The following POMGNT2 variants were observed in gnomAD, a reference collection of about 807,000 sequenced individuals.
The protein encoded by POMGNT2 is protein O-linked mannose N-acetylglucosaminyltransferase 2 (beta 1,4-), also known as protein O-linked-mannose beta-1,4-N-acetylglucosaminyltransferase 2.
POMGNT2 carries 32 observed loss-of-function variants against 37.8 expected under a neutral mutation model. That is an observed-to-expected ratio of 0.85 (90% CI 0.64 to 1.14). The LOEUF is 1.14. Among genes scored for constraint, POMGNT2 ranks in the 50% most tolerant of loss-of-function variants. POMGNT2 has a pLI of 0.00. For missense variants in POMGNT2, 705 were observed against 780.6 expected, an observed-to-expected ratio of 0.90 and a Z score of 1.15; for synonymous variants, 340 against 336.8, an observed-to-expected ratio of 1.01 and a Z score of -0.10.
rs148890110 is a variant in POMGNT2, at chr3:43,079,692, C to T, written c.1740G>A (p.Thr580=). 1.1e-4 allele frequency: 177 copies of T among 1,610,310 alleles called. No homozygotes were observed. The African/African-American group carries it at 1.6e-3, about 15-fold the overall frequency. Residue 580 remains threonine, a synonymous_variant, in exon 2 of 2, where the codon ACG becomes ACA. Transcript: ENST00000344697. ...AGGCCAGGCTGTGGCCTGCTCGCTA[C>T]GTGTTGCACACCAGCACATCTGCAA... The part of the protein sequence containing the change: ...GPFADVLVCN[T]
At position 43,079,664 on chromosome 3, in the gene POMGNT2, C is replaced by T. The variant is rs2089827678; in HGVS notation, c.*25G>A. On this transcript the variant is annotated 3_prime_UTR_variant, in exon 2 of 2. Transcript: ENST00000344697. ...ACGCTGAACTGCAGGAGCCACCTTCCCGAGGCCAGGCTGTGGCCTGCTCGC... is the reference window on the plus strand; with the variant it reads ...ACGCTGAACTGCAGGAGCCACCTTCTCGAGGCCAGGCTGTGGCCTGCTCGC... 2 of 1,587,504 alleles carry T rather than the reference C, an allele frequency of 1.3e-6. No individual in the cohort carries two copies. The highest frequency in any genetic ancestry group is 4.5e-5 in the East Asian group (2 of 44,674).
At chr3:43,097,556 A>G (rs571712653) in intron 1 of POMGNT2, among the ~76,000 whole-genome samples, 86 of 151,940 alleles carry the variant, frequency 5.7e-4, no homozygotes, top group Admixed American at 4.3e-3. Context: ...AGAGAGAGAA[A>G]CACTCTGATC....
rs1186546851 is a variant in POMGNT2, at chr3:43,098,381, T to C, written c.-106+7455A>G. 6.6e-6 allele frequency among the ~76,000 whole-genome samples: 1 copy of C among 152,106 alleles called. No individual in the cohort carries two copies. The highest frequency in any genetic ancestry group is 1.9e-4 in the East Asian group (1 of 5,192). Reference sequence around the variant, plus strand: ...CTTTTTTTTTGGTTATCTGAAGTAGTATATGGAACTGGTATTAATAACATA... The same window carrying C: ...CTTTTTTTTTGGTTATCTGAAGTAGCATATGGAACTGGTATTAATAACATA... On this transcript the variant is annotated intron_variant, in intron 1 of 1. Coordinates refer to ENST00000344697, the MANE Select transcript of POMGNT2 (RefSeq NM_032806.6). The surrounding 1 kb of genome is among the most constrained non-coding windows in gnomAD (Gnocchi z 4.3).
chr3:43,102,314 A>G (rs962800361), intron 1 of POMGNT2, among the ~76,000 whole-genome samples: 2 of 152,226 alleles, frequency 1.3e-5, no homozygotes, highest in African/African-American at 4.8e-5. Context: ...AGGAGCAACT[A>G]CACAGCAAAG....
In POMGNT2 at chr3:43,106,074, C is replaced by G. The variant is rs887763838; in HGVS notation, c.-344G>C. ...CCGGCGGGCGAGCCCGGCGCGGAGC[C>G]TGTGCGCCTGCGCAGAGCCGCGAGT... is the stretch of plus-strand genomic sequence containing the variant. On this transcript the variant is annotated 5_prime_UTR_variant, in exon 1 of 2. Transcript: ENST00000344697. 2 of 151,854 alleles carry G rather than the reference C, an allele frequency of 1.3e-5. No homozygotes were observed. Among genetic ancestry groups the G allele is most frequent in the Non-Finnish European group, 2.9e-5 (2 of 67,926 alleles). 9.4% of individuals were successfully genotyped at this position (151,854 alleles called of 1,614,324 possible).
In POMGNT2 at chr3:43,079,386, C is replaced by T; in HGVS notation, c.*303G>A. ...GATACCAGAAAAACTCAGTAGGAAA[C>T]ATCAGGATCACCTAGCCAGAGGTTC... On this transcript the variant is annotated 3_prime_UTR_variant, in exon 2 of 2. Coordinates refer to ENST00000344697, the MANE Select transcript of POMGNT2 (RefSeq NM_032806.6). The T allele has an allele frequency of 2.8e-6, 1 of 360,424 alleles. No individual in the cohort carries two copies. Among genetic ancestry groups the T allele is most frequent in the Non-Finnish European group, 5.0e-6 (1 of 199,736 alleles). The allele number at this position is 360,424 out of a possible 1,614,324, so 22.3% of individuals were successfully genotyped here. A position where few individuals can be genotyped will look rare whatever the true frequency, so the allele number is the denominator to read the frequency against.
intron 1 of POMGNT2, chr3:43,087,990 T>C (rs960224086): frequency 6.6e-6 from 1 of 152,192 alleles, no homozygotes; most frequent in African/African-American, 2.4e-5. Context: ...TAAGAAATGA[T>C]GTATAGTTGA....
At position 43,080,229 on chromosome 3, in the gene POMGNT2, T is replaced by A; in HGVS notation, c.1203A>T (p.Thr401=). The A allele has an allele frequency of 6.2e-7, 1 of 1,614,112 alleles. No homozygotes were observed. The highest frequency in any genetic ancestry group is 1.1e-5 in the South Asian group (1 of 91,086). ...CCCAGGGCCGCTCAGGGTGTGTGAC[T>A]GTGTTCTCTGGCATCATGTTCCGCC... ...VAWRNMMPEN[T]VTHPERPWDQ... The change falls in exon 2 of 2, where the codon ACA becomes ACT. Residue 401 remains threonine (T), a synonymous_variant. Coordinates refer to ENST00000344697, the MANE Select transcript of POMGNT2 (RefSeq NM_032806.6).
chr3:43,094,200 C>T (rs2089963326), intron 1 of POMGNT2, among the ~76,000 whole-genome samples: 2 of 152,160 alleles, frequency 1.3e-5, no homozygotes, highest in South Asian at 4.1e-4. Flanking sequence ...GCAAAATCTT[C>T]AGGAAGGTTT....
chr3:43,101,164 C>T (rs2125712065), intron 1 of POMGNT2, among the ~76,000 whole-genome samples: 1 of 152,362 alleles, frequency 6.6e-6, no homozygotes, highest in Middle Eastern at 3.4e-3. Flanking sequence ...AACCCAAGCC[C>T]TAGGCACAAG....
intron 1 of POMGNT2, among the ~76,000 whole-genome samples, chr3:43,102,535 G>A (rs749366213): frequency 2.6e-5 from 4 of 152,138 alleles, no homozygotes; most frequent in Non-Finnish European, 4.4e-5. Context: ...CTCTGGGTAG[G>A]GGATAAAGAT....
chr3:43,082,183 G>A (rs2125701864), intron 1 of POMGNT2, among the ~76,000 whole-genome samples: 1 of 152,346 alleles, frequency 6.6e-6, no homozygotes, highest in South Asian at 2.1e-4. Context: ...CCTTGCAGGG[G>A]CCTGACATTC....
At chr3:43,103,829 T>G (rs2090036862) in intron 1 of POMGNT2, among the ~76,000 whole-genome samples, 1 of 152,170 alleles carries the variant, frequency 6.6e-6, no homozygotes, top group Non-Finnish European at 1.5e-5. Context: ...AGGCCAATTC[T>G]TTACCTCTCC....
chr3:43,085,208 G>A (rs780069570), intron 1 of POMGNT2, among the ~76,000 whole-genome samples: 10 of 152,156 alleles, frequency 6.6e-5, no homozygotes, highest in South Asian at 2.1e-4. Context: ...AGTGAAGGAC[G>A]TATGTTACTA....
intron 1 of POMGNT2, among the ~76,000 whole-genome samples, chr3:43,099,198 C>A (rs1444383522): frequency 6.6e-6 from 1 of 152,096 alleles, no homozygotes; most frequent in Non-Finnish European, 1.5e-5. Context: ...CCAGATGGAC[C>A]CTCAGGCCCA....
intron 1 of POMGNT2, among the ~76,000 whole-genome samples, chr3:43,105,565 C>T (rs897110773): frequency 3.6e-5 from 5 of 139,852 alleles, no homozygotes; most frequent in African/African-American, 1.1e-4. Context: ...AGGTCCCCGG[C>T]CCCCGGCCCC....
At chr3:43,081,567 A>G in intron 1 of POMGNT2, 31 bp from the exon 2 acceptor site, 1 of 787,376 alleles carries the variant, frequency 1.3e-6, no homozygotes, top group Non-Finnish European at 2.0e-6. Flanking sequence ...AAGAAAAAGG[A>G]ATTGGCAGTC....
intron 1 of POMGNT2, among the ~76,000 whole-genome samples, chr3:43,084,634 G>T (rs959067152): frequency 5.3e-4 from 78 of 147,492 alleles, no homozygotes; most frequent in African/African-American, 1.9e-3. Flanking sequence ...GACAGACAGA[G>T]CGAGACTCCG....
intron 1 of POMGNT2, among the ~76,000 whole-genome samples, chr3:43,097,224 G>A (rs1438166994): frequency 3.9e-5 from 6 of 152,208 alleles, no homozygotes; most frequent in African/African-American, 9.7e-5. Context: ...TGCTAGGGCC[G>A]GAGCCAATGG....
Sources: gnomAD v4.1 joint callset for allele counts (sites outside exome capture counted in the v4.1 genomes callset) on GRCh38, gnomAD v4.1.1 for gene constraint, Gnocchi (gnomAD v3.1) non-coding constraint, MANE v1.5 for transcripts, NCBI Gene and HGNC (gene_info 2026-07-23, HGNC 2026-07-21) for gene names.